SLC24A2: variants seen among roughly 807,000 people sequenced by gnomAD.
The protein encoded by SLC24A2 is sodium/potassium/calcium exchanger 2.
Under a neutral mutation model 62.0 loss-of-function variants are expected in SLC24A2, and 36 were observed. The ratio of observed to expected loss-of-function variants is 0.58; its 90% confidence interval spans 0.44 to 0.77. The LOEUF (loss-of-function observed/expected upper bound fraction) is 0.77, where lower values mean the gene tolerates loss of function less well. Ranked by LOEUF, SLC24A2 falls within the 30% of genes least tolerant of loss-of-function variation. SLC24A2 has a pLI of 0.00. For missense variants in SLC24A2, 846 were observed against 817.9 expected (o/e 1.03, Z -0.42); for synonymous variants, 358 against 294.0 (o/e 1.22, Z -2.23).
the SLC24A2 span, among the ~76,000 whole-genome samples, chr9:19,999,277 T>G: frequency 6.6e-6 from 1 of 152,238 alleles, no homozygotes; most frequent in Admixed American, 6.5e-5. Context: ...CCCTGAAGAC[T>G]TGTGGTTCCT....
the SLC24A2 span, among the ~76,000 whole-genome samples, chr9:20,190,350 G>A: frequency 6.6e-6 from 1 of 152,002 alleles, no homozygotes; most frequent in Non-Finnish European, 1.5e-5. Context: ...TCAGATCTTT[G>A]TCCTACCAAA....
the SLC24A2 span, among the ~76,000 whole-genome samples, chr9:20,283,531 G>A: frequency 1.3e-5 from 2 of 152,226 alleles, no homozygotes; most frequent in East Asian, 1.9e-4. Flanking sequence ...CCCGAGTTAT[G>A]GCCGGAATAT....
the SLC24A2 span, among the ~76,000 whole-genome samples, chr9:20,245,678 A>G: frequency 6.6e-6 from 1 of 152,216 alleles, no homozygotes; most frequent in Non-Finnish European, 1.5e-5. Flanking sequence ...CTATGGAAGT[A>G]TTAGGATGAA....
In SLC24A2 at chr9:19,777,330, T is replaced by C. The variant is rs144365467; in HGVS notation, c.930+8607A>G. Among the ~76,000 whole-genome samples the C allele has an allele frequency of 1.3e-3, 196 of 152,284 alleles. 1 individual carries two copies. Among genetic ancestry groups the C allele is most frequent in the African/African-American group, 4.4e-3 (184 of 41,558 alleles). On this transcript the variant is annotated intron_variant, in intron 2 of 10. Coordinates refer to ENST00000341998, the MANE Select transcript of SLC24A2 (RefSeq NM_020344.4). ...AAAATGCTACGTTTCATCTATGAAA[T>C]TGGAAAACATTAAAAATTATAATAT...
At chr9:19,558,245 A>G (rs986289067) in intron 7 of SLC24A2, among the ~76,000 whole-genome samples, 1 of 152,136 alleles carries the variant, frequency 6.6e-6, no homozygotes, top group African/African-American at 2.4e-5. Context: ...GGCCACTGAG[A>G]TGCCCTCTTC....
the SLC24A2 span, among the ~76,000 whole-genome samples, chr9:20,298,439 G>A: frequency 2.0e-5 from 3 of 152,100 alleles, no homozygotes; most frequent in Non-Finnish European, 4.4e-5. Context: ...ACGTTGGCCT[G>A]GCTGGTCTTG....
chr9:20,306,849 A>G, the SLC24A2 span, among the ~76,000 whole-genome samples: 1 of 152,106 alleles, frequency 6.6e-6, no homozygotes, highest in South Asian at 2.1e-4. Flanking sequence ...GGTGTATGCC[A>G]CTTCACCTGG....
the SLC24A2 span, chr9:19,926,278 T>G: frequency 6.6e-6 from 1 of 152,332 alleles, no homozygotes; most frequent in Non-Finnish European, 1.5e-5. Context: ...TTGTTTGACT[T>G]CACCATTCTC....
chr9:19,936,686 A>G, the SLC24A2 span, among the ~76,000 whole-genome samples: 15 of 152,222 alleles, frequency 9.9e-5, no homozygotes, highest in Non-Finnish European at 2.1e-4. Flanking sequence ...TAGAAGAACT[A>G]AAAGTAATAA....
rs1833520886 is a variant in SLC24A2 at position 19,528,048 on chromosome 9, C to G, written c.1569+1G>C. 1.3e-6 allele frequency: 2 copies of G among 1,561,538 alleles called. No homozygotes were observed. Among genetic ancestry groups the G allele is most frequent in the African/African-American group, 1.3e-5 (1 of 74,204 alleles). On this transcript the variant is annotated splice_donor_variant, in intron 9 of 10. Transcript: ENST00000341998. LOFTEE classifies it high-confidence loss of function. ...GAGGCATGTCACTATCAAAATCTTA[C>G]CTGGTGCGCCCACCAGACCATCAAG...
the SLC24A2 span, among the ~76,000 whole-genome samples, chr9:20,177,899 T>C: frequency 2.0e-5 from 3 of 152,088 alleles, no homozygotes; most frequent in Non-Finnish European, 4.4e-5. Flanking sequence ...ATTACGGAGA[T>C]TGCCGAGGGG....
chr9:19,849,481 T>C, the SLC24A2 span, among the ~76,000 whole-genome samples: 4 of 152,334 alleles, frequency 2.6e-5, no homozygotes, highest in South Asian at 2.1e-4. Context: ...TTTAACAATA[T>C]TGGCTAATGA....
the SLC24A2 span, among the ~76,000 whole-genome samples, chr9:19,911,535 ATGG>A: frequency 1.3e-5 from 2 of 152,236 alleles, no homozygotes; most frequent in South Asian, 2.1e-4. Context: ...TGATTGGCAG[ATGG>A]TTGGTGCTGA....
the SLC24A2 span, among the ~76,000 whole-genome samples, chr9:20,275,112 G>A: frequency 6.6e-6 from 1 of 151,990 alleles, no homozygotes; most frequent in Non-Finnish European, 1.5e-5. Flanking sequence ...TTCCCCTTCT[G>A]GCATCTGAAC....
the SLC24A2 span, among the ~76,000 whole-genome samples, chr9:20,277,729 A>G: frequency 1.3e-5 from 2 of 152,206 alleles, no homozygotes; most frequent in Non-Finnish European, 2.9e-5. Flanking sequence ...CAGCCATCCC[A>G]TTACTGGTAT....
chr9:19,618,473 T>C (rs1182103931), intron 4 of SLC24A2, among the ~76,000 whole-genome samples: 2 of 152,186 alleles, frequency 1.3e-5, no homozygotes, highest in African/African-American at 4.8e-5. Context: ...TGATTTGTGA[T>C]TGAAACGCCC....
At chr9:20,222,051 G>A in the SLC24A2 span, among the ~76,000 whole-genome samples, 5 of 152,010 alleles carry the variant, frequency 3.3e-5, no homozygotes, top group Non-Finnish European at 5.9e-5. Context: ...AGCTGGGAGT[G>A]GGGGCATTGC....
chr9:19,573,345 C>T lies in SLC24A2; in HGVS notation c.1347+6G>A. On this transcript the variant is annotated splice_donor_region_variant and intron_variant, in intron 7 of 10. Coordinates refer to ENST00000341998, the MANE Select transcript of SLC24A2 (RefSeq NM_020344.4). Reference sequence around the variant, plus strand: ...AGCCCAGAAGAGCAATGGAGAAAAGCCATACCTGGGCTTCTGCACCTTCAA... The same window carrying T: ...AGCCCAGAAGAGCAATGGAGAAAAGTCATACCTGGGCTTCTGCACCTTCAA... 1 of 1,577,008 alleles carries T rather than the reference C, an allele frequency of 6.3e-7. No homozygotes were observed. The highest frequency in any genetic ancestry group is 8.7e-7 in the Non-Finnish European group (1 of 1,146,340).
chr9:20,105,421 A>C, the SLC24A2 span, among the ~76,000 whole-genome samples: 1 of 151,818 alleles, frequency 6.6e-6, no homozygotes, highest in Admixed American at 6.6e-5. Flanking sequence ...CACCACACCT[A>C]TTCCAAAATT....
Sources: gnomAD v4.1 joint callset for allele counts (sites outside exome capture counted in the v4.1 genomes callset) on GRCh38, gnomAD v4.1.1 for gene constraint, MANE v1.5 for transcripts, NCBI Gene and HGNC (gene_info 2026-07-23, HGNC 2026-07-21) for gene names.